PRKN: variants seen among roughly 807,000 people sequenced by gnomAD.
PRKN encodes E3 ubiquitin-protein ligase parkin.
Under a neutral mutation model 59.5 loss-of-function variants are expected in PRKN, and 56 were observed. The ratio of observed to expected loss-of-function variants is 0.94; its 90% CI spans 0.76 to 1.18. The LOEUF (loss-of-function observed/expected upper bound fraction) is 1.18. PRKN is among the 50% of genes most tolerant of loss of function. The pLI is 0.00. For missense variants in PRKN, 657 were observed against 596.4 expected, an observed-to-expected ratio of 1.10 and a Z score of -1.06; for synonymous variants, 250 against 222.1, an observed-to-expected ratio of 1.13 and a Z score of -1.12.
chr6:162,359,079 A>AAAAATAT (rs57265104), intron 2 of PRKN, among the ~76,000 whole-genome samples: 22 of 83,248 alleles, frequency 2.6e-4, no homozygotes, highest in East Asian at 1.7e-3. Context: ...AAAAAAAAAA[A>AAAAATAT]ATATATATAT....
At chr6:162,503,829 G>A (rs569222474) in intron 1 of PRKN, among the ~76,000 whole-genome samples, 69 of 152,306 alleles carry the variant, frequency 4.5e-4, no homozygotes, top group Middle Eastern at 3.4e-3. Flanking sequence ...GGGTAAACAG[G>A]AGGGTGATGG....
At position 162,277,218 on chromosome 6, in the gene PRKN, G is replaced by C. The variant is rs536794292; in HGVS notation, c.172-14453C>G. Among the ~76,000 whole-genome samples, 3 of 152,248 alleles carry C rather than the reference G, an allele frequency of 2.0e-5. No individual in the cohort carries two copies. In the South Asian group the frequency reaches 6.2e-4, roughly 32 times the overall value. On this transcript the variant is annotated intron_variant, in intron 2 of 11. Coordinates refer to ENST00000366898, the MANE Select transcript of PRKN (RefSeq NM_004562.3). The stretch of plus-strand genomic sequence containing the variant: ...GGATTTTGGCAGTTTCCAAGTATCT[G>C]CCCACAGATTCCCTAATAATTTCAA...
chr6:161,917,226 C>A (rs191778092), intron 6 of PRKN, among the ~76,000 whole-genome samples: 132 of 152,228 alleles, frequency 8.7e-4, no homozygotes, highest in African/African-American at 3.1e-3. Flanking sequence ...CTGCCTCAGC[C>A]TCCCGAGTAG....
chr6:162,223,918 C>A (rs1005769261), intron 3 of PRKN, among the ~76,000 whole-genome samples: 1 of 151,882 alleles, frequency 6.6e-6, no homozygotes, highest in Non-Finnish European at 1.5e-5. Flanking sequence ...TCCAATGTAT[C>A]CCTTTTTAAA....
At chr6:161,870,022 C>A (rs1794280119) in intron 6 of PRKN, among the ~76,000 whole-genome samples, 1 of 151,680 alleles carries the variant, frequency 6.6e-6, no homozygotes. Flanking sequence ...TATTATGTAC[C>A]AACAAAACAA....
rs1583101501 is a variant in PRKN, at chr6:161,463,010, C to A, written c.1084-76133G>T. ...ATAGTAGACTGCAATGTACTGGAAGCAACAGGAAAGTCAGAGAGATAAATA... is the reference window on the plus strand; with the variant it reads ...ATAGTAGACTGCAATGTACTGGAAGAAACAGGAAAGTCAGAGAGATAAATA... On this transcript the variant is annotated intron_variant, in intron 9 of 11. Transcript: ENST00000366898. The surrounding 1 kb of genome is among the most constrained non-coding windows in gnomAD (Gnocchi z 4.8). Among the ~76,000 whole-genome samples the A allele has an allele frequency of 1.3e-5, 2 of 152,184 alleles. No individual in the cohort carries two copies. The highest frequency in any genetic ancestry group is 6.8e-3 in the Middle Eastern group (2 of 294).
At chr6:161,711,020 G>A (rs1004344089) in intron 7 of PRKN, among the ~76,000 whole-genome samples, 2 of 150,170 alleles carry the variant, frequency 1.3e-5, no homozygotes, top group African/African-American at 4.9e-5. Flanking sequence ...TTGTAGACAT[G>A]GAGAAAGGAT....
chr6:161,659,478 A>G (rs1784468044), intron 7 of PRKN, among the ~76,000 whole-genome samples: 1 of 152,124 alleles, frequency 6.6e-6, no homozygotes, highest in African/African-American at 2.4e-5. Flanking sequence ...TGAAGCACAG[A>G]GCTTTCTGGA....
chr6:161,744,967 G>A (rs113266789), intron 7 of PRKN, among the ~76,000 whole-genome samples: 3,915 of 152,200 alleles, frequency 0.026, 171 homozygotes, highest in African/African-American at 0.09. Flanking sequence ...TTAGCGTTAT[G>A]TCCACTTGGT....
chr6:162,013,380 G>C (rs997881414), intron 5 of PRKN, among the ~76,000 whole-genome samples: 1 of 152,056 alleles, frequency 6.6e-6, no homozygotes, highest in African/African-American at 2.4e-5. Flanking sequence ...TAAGAAAAAT[G>C]TTCCAGCCTC....
chr6:161,829,991 T>C (rs112763605), intron 6 of PRKN, among the ~76,000 whole-genome samples: 2 of 152,304 alleles, frequency 1.3e-5, no homozygotes, highest in African/African-American at 4.8e-5. Flanking sequence ...ATATTCATGT[T>C]GGTGCCCTGC....
At chr6:162,613,493 C>T (rs999865557) in intron 1 of PRKN, among the ~76,000 whole-genome samples, 1 of 152,180 alleles carries the variant, frequency 6.6e-6, no homozygotes, top group African/African-American at 2.4e-5. Flanking sequence ...ACTTTACAGG[C>T]AGCCACAGGT....
Position 162,622,212 on chromosome 6 carries a change from T to C in PRKN, c.7+105450A>G, listed in dbSNP as rs145073888. 4.4e-3 allele frequency among the ~76,000 whole-genome samples: 671 copies of C among 152,346 alleles called. 5 individuals are homozygous for C. Among genetic ancestry groups the C allele is most frequent in the Middle Eastern group, 6.8e-3 (2 of 294 alleles). On this transcript the variant is annotated intron_variant, in intron 1 of 11. Coordinates refer to ENST00000366898, the MANE Select transcript of PRKN (RefSeq NM_004562.3). ...CATTTTTACTGTGATAATCATACTT[T>C]TAATTTCCTGGAAATTTCTTGTTTT...
In PRKN at chr6:161,757,197, T is replaced by C. The variant is rs1788963254; in HGVS notation, c.871+28575A>G. On this transcript the variant is annotated intron_variant, in intron 7 of 11. Transcript: ENST00000366898. ...GCAAAGATTTCTTAGGTATGCTACA[T>C]AAAGCACAATCCATAAAAGAACAAG... 2.0e-5 allele frequency among the ~76,000 whole-genome samples: 3 copies of C among 152,134 alleles called. No individual in the cohort carries two copies. The South Asian group carries it at 6.2e-4, about 31-fold the overall frequency.
intron 6 of PRKN, among the ~76,000 whole-genome samples, chr6:161,788,078 G>T (rs1048923929): frequency 6.6e-5 from 10 of 152,222 alleles, no homozygotes; most frequent in African/African-American, 2.2e-4. Context: ...GCGGCCATCA[G>T]TGTAGCTTCT....
intron 7 of PRKN, among the ~76,000 whole-genome samples, chr6:161,598,453 T>A (rs11961613): frequency 6.6e-6 from 1 of 152,212 alleles, no homozygotes. Flanking sequence ...CTACTTAACA[T>A]ACGGGCTTGG....
intron 9 of PRKN, among the ~76,000 whole-genome samples, chr6:161,398,999 C>G (rs151130771): frequency 6.6e-6 from 1 of 152,180 alleles, no homozygotes; most frequent in Non-Finnish European, 1.5e-5. Context: ...GTCATGCCCC[C>G]CTATCCTGTC....
intron 2 of PRKN, among the ~76,000 whole-genome samples, chr6:162,410,718 C>A (rs898807879): frequency 6.6e-6 from 1 of 152,170 alleles, no homozygotes; most frequent in African/African-American, 2.4e-5. Context: ...CACATTCTTG[C>A]CAACTCTCAT....
intron 4 of PRKN, among the ~76,000 whole-genome samples, chr6:162,092,965 C>G (rs1296655908): frequency 6.6e-6 from 1 of 152,200 alleles, no homozygotes; most frequent in Non-Finnish European, 1.5e-5. Flanking sequence ...TCACGCTTAG[C>G]TCTCAGAGCC....
Sources: gnomAD v4.1 joint callset for allele counts (sites outside exome capture counted in the v4.1 genomes callset) on GRCh38, gnomAD v4.1.1 for gene constraint, Gnocchi (gnomAD v3.1) non-coding constraint, MANE v1.5 for transcripts, NCBI Gene and HGNC (gene_info 2026-07-23, HGNC 2026-07-21) for gene names.